The following LPIN2 variants were observed in gnomAD, a reference collection of about 807,000 sequenced individuals.
The protein encoded by LPIN2 is lipin 2.
In LPIN2, 55 loss-of-function variants were observed where a neutral mutation model predicts 111.4. The ratio of observed to expected loss-of-function variants is 0.49; its 90% CI spans 0.40 to 0.62. The LOEUF (loss-of-function observed/expected upper bound fraction) is 0.62. LPIN2 is among the 20% of genes least tolerant of loss of function. The probability of loss-of-function intolerance (pLI) is 0.00; values close to 1 mark genes in which losing one functional copy is unlikely to be tolerated. For missense variants in LPIN2, 992 were observed against 1,112.1 expected, an observed-to-expected ratio of 0.89 and a Z score of 1.54; for synonymous variants, 425 against 414.0, an observed-to-expected ratio of 1.03 and a Z score of -0.32.
At chr18:3,002,036 A>G (rs1193083744) in intron 1 of LPIN2, among the ~76,000 whole-genome samples, 4 of 152,116 alleles carry the variant, frequency 2.6e-5, no homozygotes, top group African/African-American at 9.7e-5. Flanking sequence ...GTAAGACAAA[A>G]CAAACAAACC....
Position 2,995,616 on chromosome 18 carries a change from G to A in LPIN2, c.-10+17471C>T, listed in dbSNP as rs1343626702. 2.0e-5 allele frequency among the ~76,000 whole-genome samples: 3 copies of A among 152,158 alleles called. No homozygotes were observed. The East Asian group carries it at 5.8e-4, about 29-fold the overall frequency. On this transcript the variant is annotated intron_variant, in intron 1 of 19. Coordinates refer to ENST00000677752, the MANE Select transcript of LPIN2 (RefSeq NM_001375808.2). Reference sequence around the variant, plus strand: ...TTAAATTTAATTTAGGTGCCACACAGGATAAAAATGAGTGTCAATACCACA... The same window carrying A: ...TTAAATTTAATTTAGGTGCCACACAAGATAAAAATGAGTGTCAATACCACA...
chr18:3,000,787 G>A lies in LPIN2; in HGVS notation c.-10+12300C>T, dbSNP rs181606289. On this transcript the variant is annotated intron_variant, in intron 1 of 19. Transcript: ENST00000677752. ...GCCAGGGGTAAGGATTCACTGTGAA[G>A]CCAGGTAAGGTGGGTACTTCCCGTG... Among the ~76,000 whole-genome samples, 236 of 152,342 alleles carry A rather than the reference G, an allele frequency of 1.5e-3. 1 individual carries two copies. Among genetic ancestry groups the A allele is most frequent in the African/African-American group, 5.4e-3 (226 of 41,572 alleles).
rs1346313879 is a variant in LPIN2 at position 2,960,754 on chromosome 18, C to T, written c.87G>A (p.Gly29=). The change falls in exon 2 of 20, where the codon GGG becomes GGA. Residue 29 remains glycine (G), a synonymous_variant. Coordinates refer to ENST00000677752, the MANE Select transcript of LPIN2 (RefSeq NM_001375808.2). ...GCTGTACCACGATGACATCAATGCACCCAGAGAGGGTGGCCTGGTTAATGC... is the reference window on the plus strand; with the variant it reads ...GCTGTACCACGATGACATCAATGCATCCAGAGAGGGTGGCCTGGTTAATGC... ...YKGINQATLS[G]CIDVIVVQQQ... 2.5e-6 allele frequency: 4 copies of T among 1,613,982 alleles called. No homozygotes were observed. The highest frequency in any genetic ancestry group is 3.3e-5 in the Admixed American group (2 of 60,000).
At chr18:2,958,718 C>T (rs978216383) in intron 2 of LPIN2, among the ~76,000 whole-genome samples, 3 of 152,050 alleles carry the variant, frequency 2.0e-5, no homozygotes, top group Non-Finnish European at 4.4e-5. Flanking sequence ...AAAAATGCAA[C>T]GTTTTGACAA....
chr18:3,012,479 G>T (rs1282779074), intron 1 of LPIN2, among the ~76,000 whole-genome samples: 2 of 129,630 alleles, frequency 1.5e-5, no homozygotes, highest in African/African-American at 6.6e-5. Flanking sequence ...CACAAATTAA[G>T]ATCTGCACCG....
chr18:2,973,532 T>G (rs1301215795), intron 1 of LPIN2, among the ~76,000 whole-genome samples: 1 of 152,244 alleles, frequency 6.6e-6, no homozygotes, highest in Non-Finnish European at 1.5e-5. Context: ...CTGTTCCCTG[T>G]TAAGTAGTAC....
At chr18:2,921,501 A>G (rs1205320397) in intron 18 of LPIN2, 32 bp downstream of exon 18, 1 of 1,512,550 alleles carries the variant, frequency 6.6e-7, no homozygotes, top group Non-Finnish European at 9.2e-7. Context: ...AATTTCACCC[A>G]CATCAGAACC....
chr18:2,990,015 A>G (rs2078241843), intron 1 of LPIN2, among the ~76,000 whole-genome samples: 1 of 152,214 alleles, frequency 6.6e-6, no homozygotes, highest in African/African-American at 2.4e-5. Flanking sequence ...GTCCAGAAAT[A>G]AACCCAAACA....
chr18:2,950,925 C>G, intron 4 of LPIN2, 130 bp downstream of exon 4: 1 of 947,120 alleles, frequency 1.1e-6, no homozygotes, highest in Non-Finnish European at 1.7e-6. Flanking sequence ...TGCTTGATTC[C>G]ACAATAAACT....
At chr18:3,002,807 TC>T (rs2078453646) in intron 1 of LPIN2, among the ~76,000 whole-genome samples, 1 of 152,222 alleles carries the variant, frequency 6.6e-6, no homozygotes, top group East Asian at 1.9e-4. Flanking sequence ...CCTCAGACTT[TC>T]CCACAATCGC....
intron 1 of LPIN2, among the ~76,000 whole-genome samples, chr18:3,000,646 G>A (rs950515384): frequency 1.1e-4 from 17 of 152,208 alleles, no homozygotes; most frequent in African/African-American, 4.1e-4. Flanking sequence ...TGTGGGGAGA[G>A]GCCTCACCAG....
chr18:2,976,894 TC>T (rs757605393), intron 1 of LPIN2, among the ~76,000 whole-genome samples: 1 of 152,178 alleles, frequency 6.6e-6, no homozygotes, highest in Non-Finnish European at 1.5e-5. Context: ...AAGTCATCGT[TC>T]CCCAAGACTA....
intron 15 of LPIN2, 50 bp from the exon 16 acceptor site, chr18:2,923,911 A>G (rs1402085274): frequency 6.2e-6 from 9 of 1,455,712 alleles, no homozygotes; most frequent in Non-Finnish European, 8.7e-6. Flanking sequence ...AAACACATAC[A>G]GCGTTTTCCT....
At chr18:2,938,869 GT>G (rs2077329099) in intron 6 of LPIN2, among the ~76,000 whole-genome samples, 1 of 152,036 alleles carries the variant, frequency 6.6e-6, no homozygotes, top group South Asian at 2.1e-4. Context: ...AAATTTCAGT[GT>G]TGGCTGGGGA....
chr18:3,012,830 C>T (rs1567871876), intron 1 of LPIN2, among the ~76,000 whole-genome samples: 1 of 151,820 alleles, frequency 6.6e-6, no homozygotes, highest in Non-Finnish European at 1.5e-5. Flanking sequence ...CCGCGCACCC[C>T]GCCGGTCCGT....
At chr18:2,969,068 TAAAG>T (rs2077860216) in intron 1 of LPIN2, among the ~76,000 whole-genome samples, 3 of 152,262 alleles carry the variant, frequency 2.0e-5, no homozygotes, top group South Asian at 4.1e-4. Context: ...AGGTTGAACT[TAAAG>T]AACACTACTT....
intron 9 of LPIN2, among the ~76,000 whole-genome samples, chr18:2,930,023 T>C (rs566561931): frequency 6.6e-6 from 1 of 152,298 alleles, no homozygotes; most frequent in East Asian, 1.9e-4. Context: ...GTGAAATAAA[T>C]CCCAAGTTCT....
chr18:2,921,604 G>A lies in LPIN2; in HGVS notation c.2371C>T (p.Leu791=), dbSNP rs373520277. 311 of 1,614,046 alleles carry A rather than the reference G, an allele frequency of 1.9e-4. No individual in the cohort carries two copies. The highest frequency in any genetic ancestry group is 2.5e-4 in the Non-Finnish European group (300 of 1,179,922). The change falls in exon 18 of 20, where the codon CTA becomes TTA. Residue 791 remains leucine (L), a synonymous_variant. Transcript: ENST00000677752. ...GCAAACAGATTCTTGATATCATTTA[G>A]ACACTCAATTTTGAACTTCTCTGGT... ...KKPEKFKIEC[L]NDIKNLFAPS...
intron 1 of LPIN2, among the ~76,000 whole-genome samples, chr18:2,996,313 C>CA (rs1228396638): frequency 6.6e-6 from 1 of 151,914 alleles, no homozygotes; most frequent in Non-Finnish European, 1.5e-5. Flanking sequence ...GCAGTCCAGC[C>CA]TGGTGACAGT....
Sources: gnomAD v4.1 joint callset for allele counts (sites outside exome capture counted in the v4.1 genomes callset) on GRCh38, gnomAD v4.1.1 for gene constraint, MANE v1.5 for transcripts, NCBI Gene and HGNC (gene_info 2026-07-23, HGNC 2026-07-21) for gene names.